The following GABRB2 variants were observed in gnomAD, a reference collection of about 807,000 sequenced individuals.
GABRB2 encodes gamma-aminobutyric acid type A receptor subunit beta2.
Under a neutral mutation model 54.7 loss-of-function variants are expected in GABRB2, and 16 were observed. That is an observed-to-expected ratio of 0.29 (90% confidence interval 0.20 to 0.44). GABRB2 has a LOEUF of 0.44. Among genes scored for constraint, GABRB2 ranks in the 20% least tolerant of loss-of-function variants. The pLI is 1.00. For missense variants in GABRB2, 355 were observed against 644.0 expected, an observed-to-expected ratio of 0.55 and a Z score of 4.86; for synonymous variants, 244 against 233.8, an observed-to-expected ratio of 1.04 and a Z score of -0.40.
chr5:161,467,131 A>G (rs981560298), intron 3 of GABRB2, among the ~76,000 whole-genome samples: 1 of 152,082 alleles, frequency 6.6e-6, no homozygotes, highest in African/African-American at 2.4e-5. Flanking sequence ...AGTTTTGAAA[A>G]TTACCATTAC....
chr5:161,499,978 T>C (rs1759380535), intron 3 of GABRB2, among the ~76,000 whole-genome samples: 1 of 152,122 alleles, frequency 6.6e-6, no homozygotes, highest in African/African-American at 2.4e-5. Flanking sequence ...AAAGAAGTCA[T>C]TCAAAAACAA....
At chr5:161,363,070 C>T (rs945617393) in intron 5 of GABRB2, among the ~76,000 whole-genome samples, 4 of 152,188 alleles carry the variant, frequency 2.6e-5, no homozygotes, top group African/African-American at 9.7e-5. Context: ...TATAAAGACA[C>T]ATGCACACGT....
intron 3 of GABRB2, among the ~76,000 whole-genome samples, chr5:161,506,627 G>A (rs1278103646): frequency 6.6e-6 from 1 of 152,036 alleles, no homozygotes; most frequent in Non-Finnish European, 1.5e-5. Flanking sequence ...ATAATTGTGA[G>A]AAAGACTTGA....
Position 161,292,772 on chromosome 5 carries a change from C to T in GABRB2, c.*1309G>A, listed in dbSNP as rs1216987518. On this transcript the variant is annotated 3_prime_UTR_variant, in exon 10 of 10. Transcript: ENST00000393959. ...ATTAACTCTCTGTGTGTTCATACTCCTTGAAGTATTATTTGCTTTGAAAAA... is the reference window on the plus strand; with the variant it reads ...ATTAACTCTCTGTGTGTTCATACTCTTTGAAGTATTATTTGCTTTGAAAAA... 1.3e-5 allele frequency: 2 copies of T among 152,142 alleles called. No individual in the cohort carries two copies. The highest frequency in any genetic ancestry group is 2.9e-5 in the Non-Finnish European group (2 of 68,034). 9.4% of individuals were successfully genotyped at this position (152,142 alleles called of 1,614,324 possible).
Position 161,289,777 on chromosome 5 carries a change from T to C in GABRB2, c.*4304A>G, listed in dbSNP as rs923297465. 7.1e-6 allele frequency: 1 copy of C among 140,216 alleles called. No homozygotes were observed. The highest frequency in any genetic ancestry group is 1.5e-5 in the Non-Finnish European group (1 of 66,466). 8.7% of individuals were successfully genotyped at this position (140,216 alleles called of 1,614,324 possible). On this transcript the variant is annotated 3_prime_UTR_variant, in exon 10 of 10. Transcript: ENST00000393959. ...AGAGACAGAGTGGGTGAGCAAAAGA[T>C]TATGTGTGTTTGAGTGTGTGTGTGT...
intron 9 of GABRB2, among the ~76,000 whole-genome samples, chr5:161,295,537 T>TCA (rs1757359117): frequency 6.6e-6 from 1 of 152,128 alleles, no homozygotes; most frequent in Non-Finnish European, 1.5e-5. Flanking sequence ...GGAAAAAAGA[T>TCA]GGCCAGTGAT....
intron 4 of GABRB2, among the ~76,000 whole-genome samples, chr5:161,440,827 G>T (rs549323400): frequency 1.3e-5 from 2 of 152,086 alleles, no homozygotes; most frequent in African/African-American, 4.8e-5. Flanking sequence ...CACCTACAGT[G>T]AACCCATTTT....
chr5:161,388,104 A>G (rs556206756), intron 5 of GABRB2, among the ~76,000 whole-genome samples: 1 of 152,270 alleles, frequency 6.6e-6, no homozygotes, highest in Non-Finnish European at 1.5e-5. Flanking sequence ...AAATTTGCTG[A>G]CTATAATTCC....
intron 5 of GABRB2, among the ~76,000 whole-genome samples, chr5:161,401,786 G>A (rs1365931164): frequency 6.6e-6 from 1 of 152,074 alleles, no homozygotes; most frequent in Non-Finnish European, 1.5e-5. Flanking sequence ...TCTCTATGAC[G>A]TGCAAACTGA....
chr5:161,416,677 G>GCAGAGCCAGA (rs2113131829), intron 4 of GABRB2, among the ~76,000 whole-genome samples: 1 of 47,332 alleles, frequency 2.1e-5, no homozygotes, highest in Admixed American at 3.2e-4. Flanking sequence ...AGCCTGGGCG[G>GCAGAGCCAGA]CAGAGCCAGA....
chr5:161,433,870 G>A (rs978957062), intron 4 of GABRB2, among the ~76,000 whole-genome samples: 4 of 151,996 alleles, frequency 2.6e-5, no homozygotes, highest in African/African-American at 7.2e-5. Context: ...CTATGTTTCT[G>A]TGAAAATATC....
intron 4 of GABRB2, among the ~76,000 whole-genome samples, chr5:161,444,683 A>G (rs771673911): frequency 2.8e-4 from 43 of 152,178 alleles, no homozygotes; most frequent in South Asian, 8.3e-4. Flanking sequence ...TGAAATTGAC[A>G]TCACCTGAAG....
At chr5:161,485,287 C>T (rs1331489171) in intron 3 of GABRB2, among the ~76,000 whole-genome samples, 1 of 151,888 alleles carries the variant, frequency 6.6e-6, no homozygotes, top group African/African-American at 2.4e-5. Flanking sequence ...TTCTAATTTG[C>T]TATTTCCCCC....
At chr5:161,528,631 T>C (rs1164075198) in intron 3 of GABRB2, among the ~76,000 whole-genome samples, 3 of 151,760 alleles carry the variant, frequency 2.0e-5, no homozygotes, top group East Asian at 1.9e-4. Context: ...TATCAAAAAA[T>C]GTAATAACAT....
chr5:161,309,276 T>C (rs1228527796), intron 9 of GABRB2, among the ~76,000 whole-genome samples: 1 of 152,174 alleles, frequency 6.6e-6, no homozygotes, highest in Non-Finnish European at 1.5e-5. Flanking sequence ...TCACTGATTA[T>C]TGGAGAAATG....
intron 3 of GABRB2, among the ~76,000 whole-genome samples, chr5:161,485,816 AT>A (rs1203638983): frequency 6.6e-6 from 1 of 151,914 alleles, no homozygotes; most frequent in African/African-American, 2.4e-5. Context: ...TTGGAAAAAA[AT>A]AATCTGTTTT....
chr5:161,392,586 G>A (rs1755864414), intron 5 of GABRB2, among the ~76,000 whole-genome samples: 1 of 152,098 alleles, frequency 6.6e-6, no homozygotes, highest in Non-Finnish European at 1.5e-5. Flanking sequence ...GTGTAACCTT[G>A]GGCATGTTGT....
intron 4 of GABRB2, among the ~76,000 whole-genome samples, chr5:161,452,759 C>A (rs1394343530): frequency 6.6e-6 from 1 of 151,934 alleles, no homozygotes; most frequent in Non-Finnish European, 1.5e-5. Context: ...TTTGGGAAGC[C>A]GAGGCAGGTG....
rs191153025 is a variant in GABRB2, at chr5:161,349,894, T to A, written c.542-13125A>T. 9.3e-4 allele frequency among the ~76,000 whole-genome samples: 142 copies of A among 152,190 alleles called. 1 individual carries two copies. The highest frequency in any genetic ancestry group is 1.8e-3 in the Non-Finnish European group (123 of 67,980). On this transcript the variant is annotated intron_variant, in intron 5 of 9. Transcript: ENST00000393959. ...CTTCATGAGAGACCTTGAGCCAGAA[T>A]CCCCTAGCTAAGCCAATCCTTATTT...
Sources: gnomAD v4.1 joint callset for allele counts (sites outside exome capture counted in the v4.1 genomes callset) on GRCh38, gnomAD v4.1.1 for gene constraint, MANE v1.5 for transcripts, NCBI Gene and HGNC (gene_info 2026-07-23, HGNC 2026-07-21) for gene names.